The following LRP1B variants were observed in gnomAD, a reference collection of about 807,000 sequenced individuals.
LRP1B encodes LDL receptor related protein 1B.
A neutral mutation model predicts 556.6 loss-of-function variants in LRP1B; 217 were observed. The observed-to-expected ratio is 0.39, with a 90% CI of 0.35 to 0.44. The LOEUF is 0.44. Ranked by LOEUF, LRP1B falls within the 20% of genes least tolerant of loss-of-function variation. The pLI is 1.00. For synonymous variants in LRP1B, 2,047 were observed against 1,865.8 expected (o/e 1.10, Z -2.50); for missense variants, 5,053 against 5,620.8 (o/e 0.90, Z 3.23).
chr2:140,695,776 T>TC (rs1175095465), intron 41 of LRP1B, among the ~76,000 whole-genome samples: 9 of 152,184 alleles, frequency 5.9e-5, no homozygotes, highest in Non-Finnish European at 1.2e-4. Context: ...ACTGTGAACT[T>TC]CCAAAGGGTA....
chr2:140,810,882 C>T (rs1259086848), intron 32 of LRP1B, among the ~76,000 whole-genome samples: 1 of 151,958 alleles, frequency 6.6e-6, no homozygotes, highest in African/African-American at 2.4e-5. Context: ...ATTACAGGCA[C>T]CCGCTACCAT....
At chr2:141,290,318 C>T (rs1295877819) in intron 3 of LRP1B, among the ~76,000 whole-genome samples, 2 of 152,084 alleles carry the variant, frequency 1.3e-5, no homozygotes, top group Non-Finnish European at 2.9e-5. Flanking sequence ...TTTTAAAATA[C>T]TACCAGAAAA....
intron 41 of LRP1B, among the ~76,000 whole-genome samples, chr2:140,692,351 G>T (rs1427389877): frequency 6.6e-6 from 1 of 151,912 alleles, no homozygotes; most frequent in Non-Finnish European, 1.5e-5. Flanking sequence ...TTTAAGTACT[G>T]CACAATGAAC....
chr2:141,564,003 C>A (rs1209152994), intron 2 of LRP1B, among the ~76,000 whole-genome samples: 1 of 151,624 alleles, frequency 6.6e-6, no homozygotes, highest in African/African-American at 2.4e-5. Flanking sequence ...AAAATGTACC[C>A]CTAAATCTAC....
intron 2 of LRP1B, among the ~76,000 whole-genome samples, chr2:141,809,188 C>T (rs1050081242): frequency 1.3e-5 from 2 of 152,024 alleles, no homozygotes; most frequent in Non-Finnish European, 2.9e-5. Flanking sequence ...GCAATTCCTG[C>T]AAATATTCAG....
chr2:140,854,046 C>G (rs1346888984), intron 27 of LRP1B, among the ~76,000 whole-genome samples: 2 of 135,072 alleles, frequency 1.5e-5, no homozygotes, highest in East Asian at 4.1e-4. Flanking sequence ...AACTCAAATT[C>G]CCCCATATCT....
At chr2:141,403,661 C>A (rs1159310598) in intron 3 of LRP1B, among the ~76,000 whole-genome samples, 3 of 152,106 alleles carry the variant, frequency 2.0e-5, no homozygotes, top group East Asian at 3.9e-4. Context: ...TCAGGAGGTG[C>A]TAATCTGTTA....
intron 35 of LRP1B, among the ~76,000 whole-genome samples, chr2:140,731,700 G>A (rs541339849): frequency 2.0e-5 from 3 of 147,394 alleles, no homozygotes; most frequent in South Asian, 2.1e-4. Context: ...CCCGGGAGAC[G>A]GAGCTTGCAG....
In LRP1B at chr2:140,936,138, G is replaced by A. The variant is rs550263422; in HGVS notation, c.3137-12991C>T. Among the ~76,000 whole-genome samples the A allele has an allele frequency of 2.0e-5, 3 of 151,508 alleles. No homozygotes were observed. The East Asian group carries it at 5.9e-4, about 30-fold the overall frequency. ...GCAGATCACTTGAGGTCAAGGGTTC[G>A]AGACCAGCCTGATCAACGTGGTAAA... is the stretch of plus-strand genomic sequence containing the variant. On this transcript the variant is annotated intron_variant, in intron 20 of 90. Transcript: ENST00000389484.
intron 79 of LRP1B, among the ~76,000 whole-genome samples, chr2:140,331,496 T>C (rs919614917): frequency 1.3e-5 from 2 of 151,926 alleles, no homozygotes; most frequent in African/African-American, 4.8e-5. Context: ...AAAAGTTATG[T>C]TGAAGCCCTT....
intron 17 of LRP1B, among the ~76,000 whole-genome samples, chr2:140,983,574 T>C (rs528659361): frequency 6.6e-6 from 1 of 152,260 alleles, no homozygotes; most frequent in South Asian, 2.1e-4. Flanking sequence ...TTAAAAGATA[T>C]ATACATTGTT....
intron 83 of LRP1B, among the ~76,000 whole-genome samples, chr2:140,314,721 A>G (rs1181067973): frequency 1.3e-5 from 2 of 152,138 alleles, no homozygotes; most frequent in African/African-American, 4.8e-5. Context: ...CACATGGTAC[A>G]TACTCAACCC....
chr2:140,772,675 A>T (rs1240062399), intron 33 of LRP1B, among the ~76,000 whole-genome samples: 1 of 152,198 alleles, frequency 6.6e-6, no homozygotes, highest in Non-Finnish European at 1.5e-5. Flanking sequence ...GGGTATATTA[A>T]TGTAATGCCA....
intron 3 of LRP1B, among the ~76,000 whole-genome samples, chr2:141,445,567 T>C (rs1681157531): frequency 6.6e-6 from 1 of 152,236 alleles, no homozygotes; most frequent in Non-Finnish European, 1.5e-5. Context: ...TTTAGTGCTA[T>C]AAATTTCCCT....
intron 3 of LRP1B, among the ~76,000 whole-genome samples, chr2:141,303,068 AT>A (rs1686455405): frequency 6.6e-6 from 1 of 152,128 alleles, no homozygotes; most frequent in East Asian, 1.9e-4. Flanking sequence ...TCCATATTCA[AT>A]TTAATACCCA....
At chr2:142,123,081 A>G (rs1559083997) in intron 1 of LRP1B, among the ~76,000 whole-genome samples, 1 of 152,014 alleles carries the variant, frequency 6.6e-6, no homozygotes, top group African/African-American at 2.4e-5. Context: ...TACACATCCT[A>G]GTTTCAAAAG....
At chr2:141,442,397 G>A (rs188214405) in intron 3 of LRP1B, among the ~76,000 whole-genome samples, 1 of 149,718 alleles carries the variant, frequency 6.7e-6, no homozygotes, top group East Asian at 2.0e-4. Context: ...TTTTCTGAAA[G>A]GTCTGTATGT....
At chr2:142,020,134 G>C (rs2105174402) in intron 1 of LRP1B, among the ~76,000 whole-genome samples, 1 of 152,256 alleles carries the variant, frequency 6.6e-6, no homozygotes, top group South Asian at 2.1e-4. Context: ...AGGGCTTAGA[G>C]TACAGGCAAT....
intron 81 of LRP1B, among the ~76,000 whole-genome samples, chr2:140,322,561 T>C (rs747135523): frequency 6.6e-6 from 1 of 151,920 alleles, no homozygotes; most frequent in Non-Finnish European, 1.5e-5. Flanking sequence ...AATGCATATG[T>C]AGCTTGTCAG....
Sources: gnomAD v4.1 joint callset for allele counts (sites outside exome capture counted in the v4.1 genomes callset) on GRCh38, gnomAD v4.1.1 for gene constraint, MANE v1.5 for transcripts, NCBI Gene and HGNC (gene_info 2026-07-23, HGNC 2026-07-21) for gene names.